CEACAM18: variants seen among roughly 807,000 people sequenced by gnomAD.
CEACAM18 encodes the protein CEA cell adhesion molecule 18, also known as cell adhesion molecule CEACAM18.
In CEACAM18, 33 loss-of-function variants were observed where a neutral mutation model predicts 34.3. That is an observed-to-expected ratio of 0.96 (90% CI 0.73 to 1.29). The LOEUF (loss-of-function observed/expected upper bound fraction) is 1.29, where lower values mean the gene tolerates loss of function less well. Ranked by LOEUF, CEACAM18 falls within the 50% of genes most tolerant of loss-of-function variation. The pLI, the probability that CEACAM18 is intolerant of heterozygous loss-of-function variation, is 0.00. For missense variants in CEACAM18, 474 were observed against 485.0 expected (o/e 0.98, Z 0.21); for synonymous variants, 169 against 180.9 (o/e 0.93, Z 0.53).
chr19:51,483,158 C>T (rs781386851), exon 4 of CEACAM18: 1 of 1,614,008 alleles, frequency 6.2e-7, no homozygotes, highest in East Asian at 2.2e-5. Flanking sequence ...CACAATGGCT[C>T]CCTCCTGAAC....
intron 5 of CEACAM18, among the ~76,000 whole-genome samples, chr19:51,487,945 G>A (rs1243104833): frequency 3.3e-5 from 5 of 152,154 alleles, no homozygotes; most frequent in Admixed American, 6.5e-5. Context: ...GAGATTGGAC[G>A]GTGCCAATAT....
At chr19:51,485,070 G>T in exon 5 of CEACAM18, 1 of 1,535,428 alleles carries the variant, frequency 6.5e-7, no homozygotes, top group Non-Finnish European at 8.7e-7. Flanking sequence ...GCTGGGTGGC[G>T]TTTACATCTG....
intron 1 of CEACAM18, 97 bp downstream of exon 1, chr19:51,478,791 C>T (rs552983780): frequency 3.5e-5 from 30 of 858,342 alleles, no homozygotes; most frequent in Middle Eastern, 2.9e-4. Context: ...TCCCCATCCA[C>T]GGGCACATCA....
At chr19:51,482,553 C>T (rs773897597) in intron 3 of CEACAM18, among the ~76,000 whole-genome samples, 1 of 152,242 alleles carries the variant, frequency 6.6e-6, no homozygotes, top group Non-Finnish European at 1.5e-5. Context: ...GAGGCTGCAG[C>T]TGCTCAGGGC....
At chr19:51,478,716 A>G in intron 1 of CEACAM18, 22 bp downstream of exon 1, 1 of 1,414,040 alleles carries the variant, frequency 7.1e-7, no homozygotes, top group South Asian at 1.6e-5. Flanking sequence ...TGGATGCTGG[A>G]TGAGCTTCCC....
intron 5 of CEACAM18, among the ~76,000 whole-genome samples, chr19:51,488,257 A>G (rs1485757236): frequency 6.6e-6 from 1 of 152,124 alleles, no homozygotes; most frequent in African/African-American, 2.4e-5. Flanking sequence ...CAAGGGCAGA[A>G]ACAGAATGAT....
At chr19:51,482,611 G>C (rs1989935072) in intron 3 of CEACAM18, among the ~76,000 whole-genome samples, 1 of 152,276 alleles carries the variant, frequency 6.6e-6, no homozygotes, top group Middle Eastern at 3.4e-3. Context: ...GTGTCAGTTG[G>C]AGTCATAAAG....
intron 5 of CEACAM18, among the ~76,000 whole-genome samples, chr19:51,489,077 T>C (rs1051641733): frequency 7.3e-5 from 11 of 150,962 alleles, no homozygotes; most frequent in Non-Finnish European, 1.5e-4. Context: ...TTTCCAGGGG[T>C]TTCTATCCTT....
chr19:51,486,950 C>T (rs1409976636), intron 5 of CEACAM18, among the ~76,000 whole-genome samples: 1 of 151,548 alleles, frequency 6.6e-6, no homozygotes, highest in Non-Finnish European at 1.5e-5. Context: ...TCTTGATCTC[C>T]TGACCTCGTG....
chr19:51,483,243 C>G (rs778648549), exon 4 of CEACAM18: 1 of 1,614,020 alleles, frequency 6.2e-7, no homozygotes. Context: ...CTGTGGAGAA[C>G]CCCGTGACAC....
At chr19:51,480,775 T>C in intron 2 of CEACAM18, 95 bp downstream of exon 2, 1 of 1,177,086 alleles carries the variant, frequency 8.5e-7, no homozygotes, top group Non-Finnish European at 1.2e-6. Flanking sequence ...ACACCGGGAG[T>C]GGAAATCACG....
downstream of CEACAM18, among the ~76,000 whole-genome samples, chr19:51,491,112 C>T (rs1448161604): frequency 2.0e-5 from 3 of 152,122 alleles, no homozygotes; most frequent in South Asian, 4.1e-4. Context: ...CCCTGAGTAC[C>T]GGAGCGACCT....
At chr19:51,481,328 AGAGG>A (rs774955553) in intron 2 of CEACAM18, 61 bp from the exon 3 acceptor site, 1 of 1,051,326 alleles carries the variant, frequency 9.5e-7, no homozygotes, top group South Asian at 1.9e-5. Context: ...AGTCCCCTGG[AGAGG>A]AGCAGAGCTT....
intron 5 of CEACAM18, among the ~76,000 whole-genome samples, chr19:51,488,116 C>A (rs577843679): frequency 1.3e-5 from 2 of 152,286 alleles, no homozygotes; most frequent in African/African-American, 4.8e-5. Context: ...ACCCCAGGAA[C>A]TATGCTGCAT....
At chr19:51,482,618 A>G (rs1989935124) in intron 3 of CEACAM18, among the ~76,000 whole-genome samples, 1 of 152,296 alleles carries the variant, frequency 6.6e-6, no homozygotes, top group Middle Eastern at 3.4e-3. Context: ...TTGGAGTCAT[A>G]AAGTCCTAAT....
At chr19:51,488,666 C>T (rs1990041655) in intron 5 of CEACAM18, among the ~76,000 whole-genome samples, 1 of 152,182 alleles carries the variant, frequency 6.6e-6, no homozygotes, top group Non-Finnish European at 1.5e-5. Flanking sequence ...AGGGTGGGCT[C>T]CTCCCTGGGG....
chr19:51,484,833 T>A, intron 4 of CEACAM18, 154 bp from the exon 5 acceptor site: 1 of 908,724 alleles, frequency 1.1e-6, no homozygotes, highest in Non-Finnish European at 1.7e-6. Flanking sequence ...GTTTGTTTTG[T>A]TGGCTGCTGA....
rs1489877156 is a variant in CEACAM18, at chr19:51,484,950, A to G, written c.954-37A>G. ...GATGAGTGAATGCATGAATGGGTCA[A>G]TCGTGGTCCTGACCCCCAGGTGTCC... On this transcript the variant is annotated intron_variant, in intron 4 of 5. Transcript: ENST00000396477. The G allele has an allele frequency of 3.3e-6, 5 of 1,535,590 alleles. No homozygotes were observed. In the East Asian group the frequency reaches 9.8e-5, roughly 30 times the overall value.
At chr19:51,484,163 C>A (rs1038837018) in intron 4 of CEACAM18, among the ~76,000 whole-genome samples, 1 of 152,194 alleles carries the variant, frequency 6.6e-6, no homozygotes, top group African/African-American at 2.4e-5. Context: ...GAAGACATTA[C>A]AGGATGTGGT....
Sources: gnomAD v4.1 joint callset for allele counts (sites outside exome capture counted in the v4.1 genomes callset) on GRCh38, gnomAD v4.1.1 for gene constraint, MANE v1.5 for transcripts, NCBI Gene and HGNC (gene_info 2026-07-23, HGNC 2026-07-21) for gene names.